SLC7A1: variants seen among roughly 807,000 people sequenced by gnomAD.
SLC7A1 encodes the protein high affinity cationic amino acid transporter 1.
Under a neutral mutation model 53.9 loss-of-function variants are expected in SLC7A1, and 10 were observed. That is an observed-to-expected ratio of 0.19 (90% confidence interval 0.11 to 0.31). The LOEUF is 0.31. Ranked by LOEUF, SLC7A1 falls within the 10% of genes least tolerant of loss-of-function variation. SLC7A1 has a pLI of 1.00. For synonymous variants in SLC7A1, 342 were observed against 338.7 expected (o/e 1.01, Z -0.11); for missense variants, 525 against 827.2 (o/e 0.63, Z 4.48).
intron 2 of SLC7A1, among the ~76,000 whole-genome samples, chr13:29,551,679 C>T (rs11616506): frequency 0.19 from 29,248 of 152,080 alleles, 3,478 homozygotes; most frequent in South Asian, 0.31. Flanking sequence ...TGGGGCGGCG[C>T]GGGGAAGAAT....
intron 2 of SLC7A1, among the ~76,000 whole-genome samples, chr13:29,538,726 C>T (rs146629700): frequency 1.2e-4 from 19 of 152,308 alleles, no homozygotes; most frequent in African/African-American, 4.3e-4. Context: ...TAAACAATTG[C>T]GTGGATAGTA....
intron 1 of SLC7A1, among the ~76,000 whole-genome samples, chr13:29,582,582 T>C (rs914006285): frequency 6.6e-6 from 1 of 152,218 alleles, no homozygotes; most frequent in African/African-American, 2.4e-5. Flanking sequence ...AGATCAGGTC[T>C]CCCTGCAGTT....
At chr13:29,552,725 A>G (rs1377342152) in intron 2 of SLC7A1, among the ~76,000 whole-genome samples, 1 of 152,224 alleles carries the variant, frequency 6.6e-6, no homozygotes, top group Admixed American at 6.5e-5. Flanking sequence ...GTAAATCTAT[A>G]ATCTATAGAA....
chr13:29,577,132 C>T (rs1010646083), intron 1 of SLC7A1, among the ~76,000 whole-genome samples: 1 of 152,188 alleles, frequency 6.6e-6, no homozygotes, highest in Non-Finnish European at 1.5e-5. Context: ...TAGCCTGAAT[C>T]GGCAAAAGGT....
At chr13:29,574,589 C>G (rs1871330532) in intron 1 of SLC7A1, among the ~76,000 whole-genome samples, 1 of 151,550 alleles carries the variant, frequency 6.6e-6, no homozygotes, top group Non-Finnish European at 1.5e-5. Flanking sequence ...AAATGGAAAG[C>G]CAAGGTCTAG....
At chr13:29,543,893 C>T (rs983461675) in intron 2 of SLC7A1, among the ~76,000 whole-genome samples, 3 of 152,092 alleles carry the variant, frequency 2.0e-5, no homozygotes, top group Admixed American at 1.3e-4. Flanking sequence ...GGCTCTACCA[C>T]AGGTGCCATT....
intron 2 of SLC7A1, among the ~76,000 whole-genome samples, chr13:29,550,206 C>T (rs58229877): frequency 0.017 from 2,574 of 152,256 alleles, 69 homozygotes; most frequent in African/African-American, 0.058. Flanking sequence ...TAACCCACCT[C>T]GCTCCTAAAG....
intron 1 of SLC7A1, among the ~76,000 whole-genome samples, chr13:29,584,053 T>A (rs1871769713): frequency 6.6e-6 from 1 of 152,316 alleles, no homozygotes; most frequent in South Asian, 2.1e-4. Context: ...CAGCATCAGA[T>A]CAAGTTCATG....
At chr13:29,575,795 T>C (rs1871384907) in intron 1 of SLC7A1, among the ~76,000 whole-genome samples, 1 of 152,200 alleles carries the variant, frequency 6.6e-6, no homozygotes, top group Non-Finnish European at 1.5e-5. Context: ...GAGATTTCTG[T>C]CCCTGTTTGA....
At chr13:29,560,717 G>A (rs889207412) in intron 1 of SLC7A1, among the ~76,000 whole-genome samples, 1 of 152,004 alleles carries the variant, frequency 6.6e-6, no homozygotes, top group African/African-American at 2.4e-5. Context: ...ATAAGCAACA[G>A]GAATTTTTCA....
intron 1 of SLC7A1, among the ~76,000 whole-genome samples, chr13:29,592,976 C>T (rs1872170461): frequency 6.6e-6 from 1 of 152,066 alleles, no homozygotes; most frequent in Admixed American, 6.6e-5. Flanking sequence ...AGCAAGGAGA[C>T]AGAGGCTGAA....
intron 3 of SLC7A1, among the ~76,000 whole-genome samples, chr13:29,535,520 T>A (rs1292877713): frequency 2.0e-5 from 3 of 152,216 alleles, no homozygotes; most frequent in Non-Finnish European, 4.4e-5. Context: ...ATTAAAAGAA[T>A]GAATGAATGA....
chr13:29,594,351 G>C (rs964734526), intron 1 of SLC7A1, among the ~76,000 whole-genome samples: 11 of 152,242 alleles, frequency 7.2e-5, no homozygotes. Context: ...ACACATGAGG[G>C]CATGGCGGTG....
intron 2 of SLC7A1, among the ~76,000 whole-genome samples, chr13:29,551,157 C>T (rs901097111): frequency 1.3e-5 from 2 of 152,178 alleles, no homozygotes; most frequent in Non-Finnish European, 2.9e-5. Context: ...GACCACACAT[C>T]GTCCCTGCCC....
At chr13:29,549,526 C>A (rs1472113574) in intron 2 of SLC7A1, among the ~76,000 whole-genome samples, 1 of 152,206 alleles carries the variant, frequency 6.6e-6, no homozygotes, top group Non-Finnish European at 1.5e-5. Context: ...CAGAGCCAGC[C>A]CCTCAATATG....
In SLC7A1 at chr13:29,514,337, G is replaced by T; in HGVS notation, c.*143C>A. ...GAGCCGAGGGTGGGCTGGGGCTGCA[G>T]GTCAAGTAATTGCACCTTTGGCTGC... On this transcript the variant is annotated 3_prime_UTR_variant, in exon 13 of 13. Coordinates refer to ENST00000380752, the MANE Select transcript of SLC7A1 (RefSeq NM_003045.5). 3.2e-6 allele frequency: 2 copies of T among 632,748 alleles called. No homozygotes were observed. The highest frequency in any genetic ancestry group is 5.6e-6 in the Non-Finnish European group (2 of 354,364). 39.2% of individuals were successfully genotyped at this position (632,748 alleles called of 1,614,324 possible).
intron 2 of SLC7A1, among the ~76,000 whole-genome samples, chr13:29,548,983 A>G (rs1436402936): frequency 6.6e-6 from 1 of 152,224 alleles, no homozygotes; most frequent in African/African-American, 2.4e-5. Flanking sequence ...TCACTCCAGA[A>G]GGAACACACT....
chr13:29,516,352 C>T (rs549624463), intron 11 of SLC7A1, 106 bp from the exon 12 acceptor site: 17 of 728,660 alleles, frequency 2.3e-5, no homozygotes, highest in South Asian at 1.6e-4. Flanking sequence ...CAGGGACCGT[C>T]GGGCGAGTGT....
Position 29,568,154 on chromosome 13 carries a change from G to A in SLC7A1, c.-114-14294C>T, listed in dbSNP as rs521122. On this transcript the variant is annotated intron_variant, in intron 1 of 12. Coordinates refer to ENST00000380752, the MANE Select transcript of SLC7A1 (RefSeq NM_003045.5). ...GCTCCCAACAGGCTACATCTAAAAC[G>A]TGGGATAATCAAGGAATGTGGTGTT... Among the ~76,000 whole-genome samples, 529 of 152,288 alleles carry A rather than the reference G, an allele frequency of 3.5e-3. 4 individuals are homozygous for A. The highest frequency in any genetic ancestry group is 0.012 in the African/African-American group (492 of 41,556).
Sources: gnomAD v4.1 joint callset for allele counts (sites outside exome capture counted in the v4.1 genomes callset) on GRCh38, gnomAD v4.1.1 for gene constraint, MANE v1.5 for transcripts, NCBI Gene and HGNC (gene_info 2026-07-23, HGNC 2026-07-21) for gene names.